GARNL3: variants seen among roughly 807,000 people sequenced by gnomAD.
GARNL3 encodes the protein GTPase activating Rap/RanGAP domain like 3, also known as GTPase-activating Rap/Ran-GAP domain-like protein 3.
A neutral mutation model predicts 125.0 loss-of-function variants in GARNL3; 63 were observed. The ratio of observed to expected loss-of-function variants is 0.50; its 90% CI spans 0.41 to 0.62. The LOEUF (loss-of-function observed/expected upper bound fraction) is 0.62, where lower values mean the gene tolerates loss of function less well. Among genes scored for constraint, GARNL3 ranks in the 20% least tolerant of loss-of-function variants. GARNL3 has a pLI of 0.00. For synonymous variants in GARNL3, 439 were observed against 457.5 expected (o/e 0.96, Z 0.52); for missense variants, 994 against 1,244.0 (o/e 0.80, Z 3.02).
chr9:127,315,528 C>G (rs761984017), intron 4 of GARNL3, among the ~76,000 whole-genome samples: 1 of 152,048 alleles, frequency 6.6e-6, no homozygotes, highest in Non-Finnish European at 1.5e-5. Flanking sequence ...GTAATCCCAG[C>G]TCTTTGGGAG....
At chr9:127,311,509 C>G in intron 2 of GARNL3, 127 bp from the exon 3 acceptor site, 1 of 649,310 alleles carries the variant, frequency 1.5e-6, no homozygotes, top group African/African-American at 1.8e-5. Flanking sequence ...TGAGAACATG[C>G]AGCCACAGCC....
chr9:127,374,217 C>G (rs543144694), intron 22 of GARNL3, among the ~76,000 whole-genome samples: 1 of 152,262 alleles, frequency 6.6e-6, no homozygotes, highest in South Asian at 2.1e-4. Context: ...AGGAGAATCA[C>G]TTGAACCCAG....
chr9:127,274,912 T>G (rs2063914447), intron 1 of GARNL3, among the ~76,000 whole-genome samples: 1 of 152,100 alleles, frequency 6.6e-6, no homozygotes. Context: ...CACACAGACT[T>G]TCTTGGTGTC....
intron 1 of GARNL3, among the ~76,000 whole-genome samples, chr9:127,238,358 ACTTC>A (rs2063148074): frequency 6.6e-6 from 1 of 152,132 alleles, no homozygotes; most frequent in Non-Finnish European, 1.5e-5. Flanking sequence ...GACTGCTGTT[ACTTC>A]CTTGTGGCCT....
intron 22 of GARNL3, among the ~76,000 whole-genome samples, chr9:127,381,887 G>GA: frequency 6.6e-6 from 1 of 152,012 alleles, no homozygotes; most frequent in East Asian, 1.9e-4. Flanking sequence ...TTACAAGCGT[G>GA]AGCCACTGCA....
Position 127,355,461 on chromosome 9 carries a change from C to T in GARNL3, c.1924C>T (p.Gln642Ter). The T allele has an allele frequency of 6.2e-7, 1 of 1,614,150 alleles. No homozygotes were observed. The highest frequency in any genetic ancestry group is 8.5e-7 in the Non-Finnish European group (1 of 1,179,952). The change falls in exon 20 of 28, where the codon CAG (glutamine) becomes TAG (stop). Residue 642 changes from glutamine (Q) to a stop codon, truncating the protein, a stop_gained. Transcript: ENST00000373387. LOFTEE classifies it high-confidence loss of function. Reference sequence around the variant, plus strand: ...GTCTGAGTCACCTGTTGAAGAATTCCAGTACATCAGGGTAGGTTTGCTCTT... The same window carrying T: ...GTCTGAGTCACCTGTTGAAGAATTCTAGTACATCAGGGTAGGTTTGCTCTT... ...PLSESPVEEFQYIREICLSDS... is the reference protein window; with the variant it reads ...PLSESPVEEF
At chr9:127,327,787 A>G (rs1333042645) in intron 7 of GARNL3, among the ~76,000 whole-genome samples, 2 of 152,202 alleles carry the variant, frequency 1.3e-5, no homozygotes, top group African/African-American at 4.8e-5. Flanking sequence ...AAAGGCAAAA[A>G]GTAAAAAAAT....
chr9:127,229,724 T>C (rs550709290), intron 1 of GARNL3, among the ~76,000 whole-genome samples: 3 of 152,316 alleles, frequency 2.0e-5, no homozygotes, highest in African/African-American at 7.2e-5. Context: ...CTCGAAATCC[T>C]GGCCTCAAGC....
chr9:127,390,587 G>C, intron 26 of GARNL3, 54 bp from the exon 27 acceptor site: 2 of 1,577,700 alleles, frequency 1.3e-6, no homozygotes, highest in Non-Finnish European at 1.7e-6. Flanking sequence ...GGTCTTTTCT[G>C]TCTCCGTGGC....
rs1407893595 is a variant in GARNL3 at position 127,242,806 on chromosome 9, C to T, written c.-28-273C>T. On this transcript the variant is annotated intron_variant, in intron 1 of 10. Transcript: ENST00000439286. The surrounding 1 kb of genome is among the most constrained non-coding windows in gnomAD (Gnocchi z 4.6). ...AAACAAGTTTGTGATTGTTCAAATG[C>T]TCACTGGGCCTCCTTTTACTTTATA... 6.6e-5 allele frequency among the ~76,000 whole-genome samples: 10 copies of T among 152,164 alleles called. No homozygotes were observed. The highest frequency in any genetic ancestry group is 2.2e-4 in the African/African-American group (9 of 41,420).
chr9:127,393,042 G>A (rs1588994782), intron 27 of GARNL3, 41 bp from the exon 28 acceptor site: 1 of 1,516,964 alleles, frequency 6.6e-7, no homozygotes, highest in Non-Finnish European at 9.0e-7. Context: ...CAGTTCTGTG[G>A]TACTCCCAAA....
At chr9:127,351,142 A>G (rs1830403261) in intron 17 of GARNL3, among the ~76,000 whole-genome samples, 1 of 152,240 alleles carries the variant, frequency 6.6e-6, no homozygotes, top group Non-Finnish European at 1.5e-5. Context: ...CTTTTGGGAA[A>G]GAGAAAGCAT....
intron 1 of GARNL3, chr9:127,225,247 C>G (rs978246904): frequency 7.7e-5 from 43 of 556,062 alleles, no homozygotes; most frequent in Non-Finnish European, 8.7e-5. Context: ...GCGCGCGAGC[C>G]GAGCGGCCGG....
intron 22 of GARNL3, among the ~76,000 whole-genome samples, chr9:127,368,008 CTTTTT>C (rs10573639): frequency 1.2e-5 from 1 of 81,884 alleles, no homozygotes; most frequent in Non-Finnish European, 2.3e-5. Flanking sequence ...CATAGACTTT[CTTTTT>C]TTTTTTTTTT....
intron 1 of GARNL3, among the ~76,000 whole-genome samples, chr9:127,231,491 T>A (rs2063019147): frequency 6.6e-6 from 1 of 152,186 alleles, no homozygotes; most frequent in African/African-American, 2.4e-5. Context: ...TCATTTTGGC[T>A]GCAATATTTC....
intron 2 of GARNL3, among the ~76,000 whole-genome samples, chr9:127,305,050 T>C (rs2064912334): frequency 6.6e-6 from 1 of 152,184 alleles, no homozygotes; most frequent in Non-Finnish European, 1.5e-5. Flanking sequence ...GATTTCATTT[T>C]CGTAACGCTC....
chr9:127,390,677 C>A lies in GARNL3; in HGVS notation c.2780C>A (p.Ala927Glu). 6.2e-7 allele frequency: 1 copy of A among 1,613,752 alleles called. No individual in the cohort carries two copies. The highest frequency in any genetic ancestry group is 2.2e-5 in the East Asian group (1 of 44,862). The change falls in exon 27 of 28, where the codon GCG becomes GAG. Residue 927 changes from alanine to glutamate, a missense_variant. Around this residue, in one of 5 missense-constraint regions of GARNL3, gnomAD observed 728 missense variants for 865.7 expected, o/e 0.84. Coordinates refer to ENST00000373387, the MANE Select transcript of GARNL3 (RefSeq NM_032293.5). Reference protein sequence around the residue: ...SDEGGPKSEGAPKAKSKPRKR... With the variant: ...SDEGGPKSEGEPKAKSKPRKR... Reference sequence around the variant, plus strand: ...GAAGGTGGACCCAAGTCAGAAGGAGCGCCAAAGGCCAAATCAAAACCCCGG... The same window carrying A: ...GAAGGTGGACCCAAGTCAGAAGGAGAGCCAAAGGCCAAATCAAAACCCCGG...
chr9:127,323,624 A>G (rs2065469425), intron 6 of GARNL3, among the ~76,000 whole-genome samples: 2 of 152,154 alleles, frequency 1.3e-5, no homozygotes, highest in Non-Finnish European at 2.9e-5. Context: ...CACAGTTAGC[A>G]AGGAAGGAGC....
intron 17 of GARNL3, among the ~76,000 whole-genome samples, chr9:127,351,917 G>C (rs1366218602): frequency 2.0e-5 from 3 of 152,218 alleles, no homozygotes; most frequent in African/African-American, 7.2e-5. Flanking sequence ...CACTCTGTCA[G>C]GTCCTTGCCT....
Sources: gnomAD v4.1 joint callset for allele counts (sites outside exome capture counted in the v4.1 genomes callset) on GRCh38, gnomAD v4.1.1 for gene constraint, gnomAD v4.1.1 regional missense constraint, Gnocchi (gnomAD v3.1) non-coding constraint, MANE v1.5 for transcripts, NCBI Gene and HGNC (gene_info 2026-07-23, HGNC 2026-07-21) for gene names.